The following MTAP variants were observed in gnomAD, a reference collection of about 807,000 sequenced individuals.
MTAP encodes the protein S-methyl-5'-thioadenosine phosphorylase.
A neutral mutation model predicts 33.6 loss-of-function variants in MTAP; 33 were observed. That is an observed-to-expected ratio of 0.98 (90% CI 0.74 to 1.31). MTAP has a LOEUF of 1.31. Ranked by LOEUF, MTAP falls within the 40% of genes most tolerant of loss-of-function variation. The probability of loss-of-function intolerance (pLI) is 0.00; values close to 1 mark genes in which losing one functional copy is unlikely to be tolerated. For synonymous variants in MTAP, 148 were observed against 125.7 expected, an observed-to-expected ratio of 1.18 and a Z score of -1.19; for missense variants, 367 against 360.0, an observed-to-expected ratio of 1.02 and a Z score of -0.16.
chr9:21,899,719 A>G (rs568972373), intron 1 of MTAP, among the ~76,000 whole-genome samples: 24 of 152,292 alleles, frequency 1.6e-4, no homozygotes, highest in African/African-American at 5.8e-4. Context: ...CCATCCAATT[A>G]TCTCCACCTG....
intron 1 of MTAP, among the ~76,000 whole-genome samples, chr9:21,894,400 C>T (rs917105795): frequency 6.6e-6 from 1 of 151,736 alleles, no homozygotes; most frequent in African/African-American, 2.4e-5. Flanking sequence ...GACGTCCTAG[C>T]CAGAGCAATA....
At chr9:21,822,458 C>A (rs1415520240) in intron 4 of MTAP, among the ~76,000 whole-genome samples, 1 of 152,170 alleles carries the variant, frequency 6.6e-6, no homozygotes, top group East Asian at 1.9e-4. Flanking sequence ...GTTTCTTAAT[C>A]CTGAGTTCTA....
chr9:21,849,179 G>C (rs7036197), intron 5 of MTAP, among the ~76,000 whole-genome samples: 78,054 of 151,952 alleles, frequency 0.51, 21,442 homozygotes, highest in East Asian at 0.75. Flanking sequence ...GCCAGGTCCC[G>C]TTGAGGAAGG....
intron 1 of MTAP, among the ~76,000 whole-genome samples, chr9:21,880,280 C>A (rs1380892353): frequency 6.6e-6 from 1 of 152,122 alleles, no homozygotes; most frequent in Non-Finnish European, 1.5e-5. Flanking sequence ...AAGGCCCTCA[C>A]CAGATGCCAG....
chr9:21,842,911 C>A (rs1018777033), intron 5 of MTAP, among the ~76,000 whole-genome samples: 3 of 152,130 alleles, frequency 2.0e-5, no homozygotes, highest in African/African-American at 4.8e-5. Flanking sequence ...ACCTCACATC[C>A]CAATACTGAT....
intron 5 of MTAP, among the ~76,000 whole-genome samples, chr9:21,852,498 A>T (rs1825538935): frequency 7.3e-6 from 1 of 137,024 alleles, no homozygotes; most frequent in Non-Finnish European, 1.5e-5. Context: ...CGACAGAGTG[A>T]GACTCCATCT....
At chr9:21,845,708 A>G (rs1007970157) in intron 5 of MTAP, among the ~76,000 whole-genome samples, 3 of 152,170 alleles carry the variant, frequency 2.0e-5, no homozygotes, top group South Asian at 2.1e-4. Context: ...CACAAATTCA[A>G]TGCAGTTTCC....
chr9:21,898,619 G>C (rs1364826383), intron 1 of MTAP, among the ~76,000 whole-genome samples: 1 of 152,132 alleles, frequency 6.6e-6, no homozygotes, highest in East Asian at 1.9e-4. Flanking sequence ...GCAGCCAACA[G>C]ACACATGAAA....
chr9:21,851,230 A>G (rs1825503273), intron 5 of MTAP, among the ~76,000 whole-genome samples: 2 of 152,232 alleles, frequency 1.3e-5, no homozygotes, highest in South Asian at 4.1e-4. Context: ...TGATAAAGGC[A>G]AAGGGAATAC....
intron 5 of MTAP, among the ~76,000 whole-genome samples, chr9:21,847,380 T>C (rs1043273056): frequency 6.6e-6 from 1 of 152,222 alleles, no homozygotes; most frequent in African/African-American, 2.4e-5. Flanking sequence ...GATGGAGTTC[T>C]TTTATTGGTA....
chr9:21,830,463 A>G (rs1824938714), intron 4 of MTAP, among the ~76,000 whole-genome samples: 1 of 152,202 alleles, frequency 6.6e-6, no homozygotes, highest in Admixed American at 6.5e-5. Flanking sequence ...TAGAGCCACA[A>G]GTCATTTGGC....
chr9:21,829,991 A>C (rs1307387090), intron 4 of MTAP, among the ~76,000 whole-genome samples: 4 of 152,198 alleles, frequency 2.6e-5, no homozygotes, highest in Non-Finnish European at 5.9e-5. Context: ...GGGCATAAGA[A>C]AAGGGGAGCC....
chr9:21,905,383 C>T (rs182341721), intron 1 of MTAP, among the ~76,000 whole-genome samples: 3 of 151,876 alleles, frequency 2.0e-5, no homozygotes, highest in South Asian at 2.1e-4. Context: ...TCCCTGCCCC[C>T]CTCCCTGTAT....
intron 5 of MTAP, among the ~76,000 whole-genome samples, chr9:21,854,183 T>G (rs1321142698): frequency 1.3e-5 from 2 of 152,222 alleles, no homozygotes; most frequent in African/African-American, 4.8e-5. Flanking sequence ...GAGAATTAAC[T>G]TTTCAGAAGC....
chr9:21,834,296 C>T (rs535648458), intron 4 of MTAP, among the ~76,000 whole-genome samples: 1 of 152,278 alleles, frequency 6.6e-6, no homozygotes, highest in Admixed American at 6.5e-5. Flanking sequence ...CAGAGGCACA[C>T]AGCTAGTGAG....
intron 1 of MTAP, chr9:21,811,568 G>C (rs1169341565): frequency 1.3e-5 from 5 of 385,802 alleles, no homozygotes; most frequent in African/African-American, 2.1e-5. Context: ...GATTGTGCGT[G>C]AATAAAGGGT....
At chr9:21,899,426 G>A (rs1254767377) in intron 1 of MTAP, among the ~76,000 whole-genome samples, 1 of 151,110 alleles carries the variant, frequency 6.6e-6, no homozygotes, top group Non-Finnish European at 1.5e-5. Context: ...GGGGAAGGAG[G>A]GGAGGGAAGG....
chr9:21,822,868 T>G (rs1374516570), intron 4 of MTAP, among the ~76,000 whole-genome samples: 5 of 152,208 alleles, frequency 3.3e-5, no homozygotes, highest in African/African-American at 1.2e-4. Flanking sequence ...AATTGATCCC[T>G]TTACCATTAT....
At chr9:21,833,967 A>G (rs1291961202) in intron 4 of MTAP, among the ~76,000 whole-genome samples, 2 of 151,956 alleles carry the variant, frequency 1.3e-5, no homozygotes, top group African/African-American at 4.8e-5. Flanking sequence ...GCCAGCACAC[A>G]TCATTTTGTC....
Sources: allele counts gnomAD v4.1 joint callset (sites outside exome capture counted in the v4.1 genomes callset), GRCh38; gene constraint gnomAD v4.1.1; transcripts MANE v1.5; gene names NCBI Gene and HGNC (gene_info 2026-07-23, HGNC 2026-07-21).